Variants in NTRK3 observed in about 807,000 individuals in gnomAD.
NTRK3 encodes NT-3 growth factor receptor.
In NTRK3, 24 loss-of-function variants were observed where a neutral mutation model predicts 91.7. The observed-to-expected ratio is 0.26, with a 90% confidence interval of 0.19 to 0.37. The LOEUF (loss-of-function observed/expected upper bound fraction) is 0.37, where lower values mean the gene tolerates loss of function less well. Among genes scored for constraint, NTRK3 ranks in the 10% least tolerant of loss-of-function variants. The pLI, the probability that NTRK3 is intolerant of heterozygous loss-of-function variation, is 1.00. For missense variants in NTRK3, 880 were observed against 1,068.9 expected (o/e 0.82, Z 2.46); for synonymous variants, 483 against 404.0 (o/e 1.20, Z -2.34).
chr15:87,991,237 AC>A, intron 14 of NTRK3, among the ~76,000 whole-genome samples: 1 of 151,744 alleles, frequency 6.6e-6, no homozygotes, highest in Admixed American at 6.6e-5. Context: ...CAGTCTTTTC[AC>A]CCCTGGCTAC....
chr15:88,131,167 A>ATGC lies in NTRK3; in HGVS notation c.1205-2436_1205-2434dup, dbSNP rs573538806. ...TCTAACAAGTTTTCAGCAGACGCTG[A>ATGC]TGCTGCTGTTCCCTTTGGAATGCAC... On this transcript the variant is annotated intron_variant, in intron 10 of 18. Transcript: ENST00000394480. Among the ~76,000 whole-genome samples the ATGC allele has an allele frequency of 6.6e-5, 10 of 152,368 alleles. No homozygotes were observed. The South Asian group carries it at 2.1e-3, about 32-fold the overall frequency.
intron 3 of NTRK3, among the ~76,000 whole-genome samples, chr15:88,202,366 C>T (rs1457828885): frequency 1.3e-5 from 2 of 152,194 alleles, no homozygotes; most frequent in East Asian, 3.8e-4. Context: ...ATTTGGGAGA[C>T]AGGGCTCCTC....
At chr15:88,085,577 C>A (rs2048426679) in intron 13 of NTRK3, among the ~76,000 whole-genome samples, 1 of 152,194 alleles carries the variant, frequency 6.6e-6, no homozygotes, top group South Asian at 2.1e-4. Flanking sequence ...ACCCAGCCAA[C>A]CCACAGGCCT....
At chr15:88,114,584 CA>C (rs2051825199) in intron 13 of NTRK3, among the ~76,000 whole-genome samples, 1 of 152,140 alleles carries the variant, frequency 6.6e-6, no homozygotes, top group African/African-American at 2.4e-5. Context: ...GATACTAACT[CA>C]TCTCAAAGAC....
chr15:88,115,530 T>C (rs1402772735), intron 13 of NTRK3, among the ~76,000 whole-genome samples: 1 of 152,184 alleles, frequency 6.6e-6, no homozygotes, highest in Non-Finnish European at 1.5e-5. Flanking sequence ...TGCTGGCAGA[T>C]AGACAGATGC....
At chr15:87,933,343 C>A (rs1490386396) in intron 15 of NTRK3, among the ~76,000 whole-genome samples, 159 bp from the exon 16 acceptor site, 1 of 152,220 alleles carries the variant, frequency 6.6e-6, no homozygotes, top group African/African-American at 2.4e-5. Context: ...AACTATAAGG[C>A]CTGACTCCTT....
chr15:88,203,160 G>T (rs1328974065), intron 3 of NTRK3, among the ~76,000 whole-genome samples: 1 of 152,068 alleles, frequency 6.6e-6, no homozygotes, highest in Non-Finnish European at 1.5e-5. Context: ...TTGCTAGCTC[G>T]GTACACACTC....
At chr15:87,876,365 G>A (rs766574974) in exon 19 of NTRK3, 1 of 229,898 alleles carries the variant, frequency 4.3e-6, no homozygotes, top group Non-Finnish European at 8.6e-6. Flanking sequence ...ACCCTGCTCA[G>A]GCATCATTTC....
At chr15:88,182,381 C>T (rs2046556046) in intron 5 of NTRK3, among the ~76,000 whole-genome samples, 1 of 152,170 alleles carries the variant, frequency 6.6e-6, no homozygotes, top group Non-Finnish European at 1.5e-5. Context: ...CCTCCACTTC[C>T]CACAGCTCCC....
intron 13 of NTRK3, among the ~76,000 whole-genome samples, chr15:88,046,025 C>A (rs2080154659): frequency 6.6e-6 from 1 of 152,188 alleles, no homozygotes; most frequent in Non-Finnish European, 1.5e-5. Context: ...TTGCAGGACA[C>A]AATTCAACCC....
At chr15:88,108,226 C>T (rs1228433657) in intron 13 of NTRK3, among the ~76,000 whole-genome samples, 3 of 152,178 alleles carry the variant, frequency 2.0e-5, no homozygotes, top group African/African-American at 7.2e-5. Context: ...TCCATGAAAC[C>T]CACAGAATGG....
intron 17 of NTRK3, among the ~76,000 whole-genome samples, chr15:87,906,382 C>T (rs1439028252): frequency 6.6e-6 from 1 of 152,142 alleles, no homozygotes; most frequent in Non-Finnish European, 1.5e-5. Context: ...TCTGAATGGC[C>T]AGCACAAGTC....
chr15:87,933,521 G>A (rs1461876964), intron 15 of NTRK3, among the ~76,000 whole-genome samples: 3 of 152,228 alleles, frequency 2.0e-5, no homozygotes, highest in Non-Finnish European at 4.4e-5. Flanking sequence ...CCTGGCAAAA[G>A]CCCCTGCTCC....
At chr15:88,048,480 TC>T (rs1290846585) in intron 13 of NTRK3, among the ~76,000 whole-genome samples, 1 of 152,090 alleles carries the variant, frequency 6.6e-6, no homozygotes, top group Non-Finnish European at 1.5e-5. Context: ...ACAGGTACAT[TC>T]CCCACAGAGA....
intron 13 of NTRK3, among the ~76,000 whole-genome samples, chr15:88,069,784 A>G (rs1360031518): frequency 6.6e-6 from 1 of 152,178 alleles, no homozygotes; most frequent in African/African-American, 2.4e-5. Context: ...CACTGTTTAC[A>G]TGGTACACGT....
exon 19 of NTRK3, chr15:87,865,647 A>G (rs755129519): frequency 4.6e-6 from 1 of 219,520 alleles, no homozygotes; most frequent in Non-Finnish European, 9.1e-6. Context: ...AGTTTCACAG[A>G]GTCCTATTTT....
chr15:87,962,515 T>A (rs2072394047), intron 14 of NTRK3, among the ~76,000 whole-genome samples: 1 of 152,208 alleles, frequency 6.6e-6, no homozygotes, highest in Admixed American at 6.5e-5. Context: ...CCTCAAAAGC[T>A]GCAGATTTAG....
intron 13 of NTRK3, among the ~76,000 whole-genome samples, chr15:88,052,099 T>C (rs56184454): frequency 0.24 from 36,939 of 152,184 alleles, 4,588 homozygotes; most frequent in Middle Eastern, 0.36. Flanking sequence ...CCCTGTTAAC[T>C]ATGCTGGATG....
chr15:88,177,152 T>C (rs751286503), intron 5 of NTRK3, among the ~76,000 whole-genome samples: 6 of 151,984 alleles, frequency 3.9e-5, no homozygotes, highest in Admixed American at 6.6e-5. Flanking sequence ...ACAAGACAAT[T>C]AGAGAGGGAG....
Sources: gnomAD v4.1 joint callset for allele counts (sites outside exome capture counted in the v4.1 genomes callset) on GRCh38, gnomAD v4.1.1 for gene constraint, MANE v1.5 for transcripts, NCBI Gene and HGNC (gene_info 2026-07-23, HGNC 2026-07-21) for gene names.